Variants in CDH10 observed in about 807,000 individuals in gnomAD.
CDH10 encodes cadherin 10.
A neutral mutation model predicts 73.1 loss-of-function variants in CDH10; 30 were observed. The ratio of observed to expected loss-of-function variants is 0.41; its 90% CI spans 0.31 to 0.56. CDH10 has a LOEUF of 0.56. CDH10 is among the 20% of genes least tolerant of loss of function. The pLI is 0.27. For missense variants in CDH10, 815 were observed against 973.7 expected (o/e 0.84, Z 2.17); for synonymous variants, 345 against 348.2 (o/e 0.99, Z 0.10).
intron 2 of CDH10, chr5:24,554,283 CA>C (rs1296653013): frequency 6.6e-6 from 1 of 151,840 alleles, no homozygotes; most frequent in Admixed American, 6.6e-5. Flanking sequence ...TGTTGTGCTA[CA>C]TTATTAAATT....
chr5:24,512,579 C>T (rs570257969), intron 5 of CDH10, among the ~76,000 whole-genome samples: 1 of 152,244 alleles, frequency 6.6e-6, no homozygotes, highest in East Asian at 1.9e-4. Flanking sequence ...TATAGATGCC[C>T]TTTGCAGTGT....
rs778885451 is a variant in CDH10 at position 24,593,386 on chromosome 5, T to C, written c.105A>G (p.Arg35=). 3 of 1,612,724 alleles carry C rather than the reference T, an allele frequency of 1.9e-6. No individual in the cohort carries two copies. In the Admixed American group the frequency reaches 5.0e-5, roughly 27 times the overall value. ...TCCTTGGTACACGTGAACTTAAAAT[T>C]CTTTGCTGTGGCACAGGCGTCCTTC... ...MFRRTPVPQQ[R]ILSSRVPRSD... is the part of the protein sequence containing the mutation. The change falls in exon 2 of 12, where the codon AGA becomes AGG. Residue 35 remains arginine, a synonymous_variant. Transcript: ENST00000264463.
chr5:24,550,036 A>G (rs776728533), intron 2 of CDH10, among the ~76,000 whole-genome samples: 2 of 152,212 alleles, frequency 1.3e-5, no homozygotes, highest in Non-Finnish European at 2.9e-5. Flanking sequence ...AAGGAAAATG[A>G]TCCCAGATAA....
At position 24,620,004 on chromosome 5, in the gene CDH10, T is replaced by C. The variant is rs74759003; in HGVS notation, c.-124+24590A>G. ...CCAGAAGGGACTAAGAAAGTCACCA[T>C]TGAGGTTTGTTCACAAAAAGAAATA... On this transcript the variant is annotated intron_variant, in intron 1 of 11. Transcript: ENST00000264463. Among the ~76,000 whole-genome samples, 437 of 152,334 alleles carry C rather than the reference T, an allele frequency of 2.9e-3. 2 individuals are homozygous for C. The highest frequency in any genetic ancestry group is 9.9e-3 in the African/African-American group (410 of 41,578).
intron 5 of CDH10, among the ~76,000 whole-genome samples, chr5:24,532,664 A>T: frequency 6.6e-6 from 1 of 152,180 alleles, no homozygotes; most frequent in East Asian, 1.9e-4. Context: ...AATTTAAAAT[A>T]TTTGAGTATG....
intron 1 of CDH10, among the ~76,000 whole-genome samples, chr5:24,602,473 C>A (rs1436817300): frequency 6.6e-6 from 1 of 152,092 alleles, no homozygotes; most frequent in South Asian, 2.1e-4. Context: ...AGCTGGTATA[C>A]CTTTTGTGTA....
At chr5:24,557,377 A>C (rs1847843) in intron 2 of CDH10, among the ~76,000 whole-genome samples, 125,566 of 151,564 alleles carry the variant, frequency 0.83, 52,058 homozygotes, top group East Asian at 0.9. Context: ...CAGAATCATT[A>C]TTATTTCCCA....
chr5:24,627,810 G>C (rs899032363), intron 1 of CDH10, among the ~76,000 whole-genome samples: 1 of 151,722 alleles, frequency 6.6e-6, no homozygotes. Flanking sequence ...CAGTATTAGT[G>C]AAAGCACAAC....
intron 2 of CDH10, among the ~76,000 whole-genome samples, chr5:24,586,282 G>A (rs1745990679): frequency 6.6e-6 from 1 of 151,872 alleles, no homozygotes; most frequent in Non-Finnish European, 1.5e-5. Context: ...TGCTAAAGGG[G>A]GAATCTGAAA....
At chr5:24,545,892 A>AT (rs1744320642) in intron 2 of CDH10, among the ~76,000 whole-genome samples, 1 of 152,164 alleles carries the variant, frequency 6.6e-6, no homozygotes, top group South Asian at 2.1e-4. Flanking sequence ...AAAGGGTGGT[A>AT]TTTTCGGACT....
chr5:24,580,041 A>T (rs1745740946), intron 2 of CDH10, among the ~76,000 whole-genome samples: 1 of 152,142 alleles, frequency 6.6e-6, no homozygotes, highest in Admixed American at 6.6e-5. Context: ...AAAATCTTTG[A>T]CTTAGGAGTC....
intron 5 of CDH10, among the ~76,000 whole-genome samples, chr5:24,527,645 C>A (rs959289942): frequency 6.6e-6 from 1 of 151,770 alleles, no homozygotes; most frequent in African/African-American, 2.4e-5. Flanking sequence ...AATTGTAACA[C>A]AATGGTATTT....
chr5:24,551,829 C>T (rs1744557611), intron 2 of CDH10, among the ~76,000 whole-genome samples: 1 of 152,124 alleles, frequency 6.6e-6, no homozygotes, highest in African/African-American at 2.4e-5. Context: ...TAACAACATA[C>T]TCTTAGTTTC....
intron 2 of CDH10, among the ~76,000 whole-genome samples, chr5:24,542,648 C>T (rs80112201): frequency 0.015 from 2,233 of 152,212 alleles, 55 homozygotes; most frequent in African/African-American, 0.047. Flanking sequence ...CATGATTGGA[C>T]CACAGACTGG....
At chr5:24,635,044 T>C (rs981014075) in intron 1 of CDH10, among the ~76,000 whole-genome samples, 1 of 151,350 alleles carries the variant, frequency 6.6e-6, no homozygotes, top group Non-Finnish European at 1.5e-5. Context: ...AAATTGATCT[T>C]CATATCACCT....
chr5:24,492,458 T>C (rs533162842), intron 10 of CDH10, among the ~76,000 whole-genome samples: 1 of 152,332 alleles, frequency 6.6e-6, no homozygotes, highest in African/African-American at 2.4e-5. Flanking sequence ...TTGGTGAATC[T>C]GCTGCTGCTA....
intron 2 of CDH10, among the ~76,000 whole-genome samples, chr5:24,568,043 T>C (rs1336461648): frequency 6.6e-6 from 1 of 151,884 alleles, no homozygotes; most frequent in Non-Finnish European, 1.5e-5. Context: ...TTATAGAGAG[T>C]AGCAGAGGGT....
chr5:24,557,684 G>T (rs895523680), intron 2 of CDH10, among the ~76,000 whole-genome samples: 1 of 151,802 alleles, frequency 6.6e-6, no homozygotes, highest in South Asian at 2.1e-4. Flanking sequence ...AAAGCCTGAG[G>T]TTACCAGTAA....
chr5:24,549,065 G>A (rs1182880839), intron 2 of CDH10, among the ~76,000 whole-genome samples: 8 of 152,018 alleles, frequency 5.3e-5, no homozygotes, highest in Non-Finnish European at 1.0e-4. Context: ...ACAGCAAATT[G>A]GATACAGAAA....
Sources: allele counts gnomAD v4.1 joint callset (sites outside exome capture counted in the v4.1 genomes callset), GRCh38; gene constraint gnomAD v4.1.1; transcripts MANE v1.5; gene names NCBI Gene and HGNC (gene_info 2026-07-23, HGNC 2026-07-21).